COL19A1: variants seen among roughly 807,000 people sequenced by gnomAD.
COL19A1 encodes the protein collagen alpha-1(XIX) chain.
Under a neutral mutation model 190.2 loss-of-function variants are expected in COL19A1, and 159 were observed. The observed-to-expected ratio is 0.84, with a 90% confidence interval of 0.73 to 0.95. The LOEUF is 0.95. Among genes scored for constraint, COL19A1 ranks in the 40% least tolerant of loss-of-function variants. The probability of loss-of-function intolerance (pLI) is 0.00; values close to 1 mark genes in which losing one functional copy is unlikely to be tolerated. For synonymous variants in COL19A1, 509 were observed against 458.9 expected (o/e 1.11, Z -1.39); for missense variants, 1,418 against 1,431.9 (o/e 0.99, Z 0.16).
At chr6:69,993,042 G>A (rs543721343) in intron 11 of COL19A1, among the ~76,000 whole-genome samples, 16 of 152,190 alleles carry the variant, frequency 1.1e-4, no homozygotes, top group African/African-American at 3.6e-4. Flanking sequence ...CAGTTCTCAA[G>A]GAGAATGCTT....
chr6:69,962,478 T>C (rs1178952580), intron 10 of COL19A1, among the ~76,000 whole-genome samples: 1 of 152,204 alleles, frequency 6.6e-6, no homozygotes, highest in Non-Finnish European at 1.5e-5. Flanking sequence ...GAAGAATGGC[T>C]AACTTAGTCT....
At chr6:70,188,877 A>G (rs1766689606) in intron 47 of COL19A1, among the ~76,000 whole-genome samples, 1 of 152,228 alleles carries the variant, frequency 6.6e-6, no homozygotes, top group African/African-American at 2.4e-5. Context: ...GAAGTAGGGC[A>G]GTTAAAGACA....
intron 46 of COL19A1, among the ~76,000 whole-genome samples, chr6:70,186,019 C>T (rs1307344505): frequency 6.6e-6 from 1 of 152,016 alleles, no homozygotes; most frequent in East Asian, 1.9e-4. Flanking sequence ...TTAATATAAA[C>T]ATATACTTTT....
At chr6:70,006,123 G>A (rs1380468817) in intron 11 of COL19A1, among the ~76,000 whole-genome samples, 1 of 152,184 alleles carries the variant, frequency 6.6e-6, no homozygotes, top group African/African-American at 2.4e-5. Flanking sequence ...AGTGCTGGCT[G>A]CTACCCCTTC....
chr6:69,887,851 T>A (rs535362107), intron 2 of COL19A1, among the ~76,000 whole-genome samples: 2 of 152,026 alleles, frequency 1.3e-5, no homozygotes, highest in South Asian at 4.2e-4. Flanking sequence ...AATCCCAGGT[T>A]CCACACAGGA....
chr6:69,914,625 A>T, intron 4 of COL19A1, among the ~76,000 whole-genome samples: 1 of 151,932 alleles, frequency 6.6e-6, no homozygotes, highest in East Asian at 1.9e-4. Flanking sequence ...AAAATTAAAT[A>T]AATAAAGCTT....
At chr6:70,058,071 A>G (rs1479789152) in intron 14 of COL19A1, among the ~76,000 whole-genome samples, 1 of 152,060 alleles carries the variant, frequency 6.6e-6, no homozygotes, top group Non-Finnish European at 1.5e-5. Flanking sequence ...CACAGACTCT[A>G]TGTTCTATTA....
intron 11 of COL19A1, among the ~76,000 whole-genome samples, chr6:69,979,110 G>A (rs1377663423): frequency 6.6e-6 from 1 of 151,822 alleles, no homozygotes; most frequent in African/African-American, 2.4e-5. Context: ...TAAAGCACCA[G>A]GACTAATTGG....
In COL19A1 at chr6:69,975,049, G is replaced by A. The variant is rs549571093; in HGVS notation, c.1026+12179G>A. ...AGGATGGTGCTGAGCTCCTGACCTC[G>A]TGATCCACCTGTCTCGGCCTCCCAA... On this transcript the variant is annotated intron_variant, in intron 11 of 50. Coordinates refer to ENST00000620364, the MANE Select transcript of COL19A1 (RefSeq NM_001858.6). Among the ~76,000 whole-genome samples, 6 of 152,022 alleles carry A rather than the reference G, an allele frequency of 3.9e-5. No individual in the cohort carries two copies. The East Asian group carries it at 7.8e-4, about 20-fold the overall frequency.
intron 2 of COL19A1, among the ~76,000 whole-genome samples, chr6:69,885,338 T>A (rs1032537909): frequency 2.6e-4 from 40 of 152,084 alleles, no homozygotes; most frequent in African/African-American, 9.4e-4. Flanking sequence ...GTGCTTCTTT[T>A]AAAAAAATTA....
chr6:70,058,155 T>A lies in COL19A1; in HGVS notation c.1171-10268T>A, dbSNP rs3806001. On this transcript the variant is annotated intron_variant, in intron 14 of 50. Coordinates refer to ENST00000620364, the MANE Select transcript of COL19A1 (RefSeq NM_001858.6). ...AGAACAAGTTATTTCAGGACCTATA[T>A]AATAAAAAGATAAGTTTTCTGAGTT... is the stretch of plus-strand genomic sequence containing the variant. 0.014 allele frequency among the ~76,000 whole-genome samples: 2,151 copies of A among 152,040 alleles called. 179 individuals are homozygous for A. The East Asian group carries it at 0.21, about 15-fold the overall frequency.
At position 69,895,496 on chromosome 6, in the gene COL19A1, G is replaced by T. The variant is rs193120534; in HGVS notation, c.92-3452G>T. On this transcript the variant is annotated intron_variant, in intron 2 of 50. Transcript: ENST00000620364. ...ACAATTTGAATGGTGAGTAAGACAG[G>T]GTTTTATTGGGTGAAAAGGAAGGAA... is the stretch of plus-strand genomic sequence containing the variant. Among the ~76,000 whole-genome samples the T allele has an allele frequency of 9.8e-5, 15 of 152,306 alleles. 1 individual carries two copies. The highest frequency in any genetic ancestry group is 9.8e-4 in the Admixed American group (15 of 15,308).
At position 70,027,395 on chromosome 6, in the gene COL19A1, CTT is replaced by C. The variant is rs142543652; in HGVS notation, c.1080+3716_1080+3717del. 3.3e-3 allele frequency among the ~76,000 whole-genome samples: 498 copies of C among 152,298 alleles called. 2 individuals carry two copies. The highest frequency in any genetic ancestry group is 5.0e-3 in the Non-Finnish European group (339 of 68,012). On this transcript the variant is annotated intron_variant, in intron 12 of 50. Transcript: ENST00000620364. ...ATTCAGTCTTTCTCAATGTGGCACT[CTT>C]GGCATTTTGGCAAGACAGTTCTTTT...
At chr6:70,024,582 CGTGTGT>C (rs71536487) in intron 12 of COL19A1, among the ~76,000 whole-genome samples, 440 of 143,466 alleles carry the variant, frequency 3.1e-3, no homozygotes, top group South Asian at 0.016. Flanking sequence ...TGGAGAAAGT[CGTGTGT>C]GTGTGTGTGT....
chr6:69,976,299 AT>A (rs998991593), intron 11 of COL19A1, among the ~76,000 whole-genome samples: 16 of 152,100 alleles, frequency 1.1e-4, no homozygotes, highest in Non-Finnish European at 2.4e-4. Context: ...CCTTCAATTT[AT>A]TTTCAAAGTA....
intron 15 of COL19A1, among the ~76,000 whole-genome samples, chr6:70,076,700 A>G (rs1445582225): frequency 6.6e-6 from 1 of 152,206 alleles, no homozygotes; most frequent in Non-Finnish European, 1.5e-5. Context: ...CAGGTATATT[A>G]TGGGATTAAG....
chr6:69,944,914 T>C (rs2150028797), intron 9 of COL19A1, among the ~76,000 whole-genome samples: 1 of 152,170 alleles, frequency 6.6e-6, no homozygotes, highest in South Asian at 2.1e-4. Context: ...ATTAATACTT[T>C]TCTTTCATTT....
intron 4 of COL19A1, among the ~76,000 whole-genome samples, chr6:69,918,704 G>A (rs1021556272): frequency 2.6e-5 from 4 of 151,804 alleles, no homozygotes; most frequent in East Asian, 1.9e-4. Flanking sequence ...AGACCCTGCC[G>A]CAAAAAAATA....
rs989570928 is a variant in COL19A1 at position 69,887,241 on chromosome 6, A to G, written c.91+7583A>G. On this transcript the variant is annotated intron_variant, in intron 2 of 50. Transcript: ENST00000620364. ...TTGAGACTTGTTTTGCTAATCACCT[A>G]CTGGGGCTTCCCTACATACATTGTG... Among the ~76,000 whole-genome samples the G allele has an allele frequency of 5.3e-5, 8 of 152,308 alleles. 1 individual carries two copies. In the East Asian group the frequency reaches 1.2e-3, roughly 22 times the overall value.
Sources: gnomAD v4.1 joint callset for allele counts (sites outside exome capture counted in the v4.1 genomes callset) on GRCh38, gnomAD v4.1.1 for gene constraint, MANE v1.5 for transcripts, NCBI Gene and HGNC (gene_info 2026-07-23, HGNC 2026-07-21) for gene names.